The following USP32 variants were observed in gnomAD, a reference collection of about 807,000 sequenced individuals.
USP32 encodes the protein ubiquitin carboxyl-terminal hydrolase 32.
USP32 carries 59 observed loss-of-function variants against 204.8 expected under a neutral mutation model. The observed-to-expected ratio is 0.29, with a 90% CI of 0.23 to 0.36. The LOEUF is 0.36. Among genes scored for constraint, USP32 ranks in the 10% least tolerant of loss-of-function variants. The probability of loss-of-function intolerance (pLI) is 1.00; values close to 1 mark genes in which losing one functional copy is unlikely to be tolerated. For missense variants in USP32, 1,160 were observed against 1,946.4 expected (o/e 0.60, Z 7.60); for synonymous variants, 517 against 678.4 (o/e 0.76, Z 3.70).
chr17:60,239,975 T>G (rs900850396), intron 11 of USP32, among the ~76,000 whole-genome samples: 1 of 152,190 alleles, frequency 6.6e-6, no homozygotes, highest in African/African-American at 2.4e-5. Flanking sequence ...GACCTCAAAT[T>G]ATCTGCGCCT....
chr17:60,202,843 A>C (rs1348529532), intron 26 of USP32, among the ~76,000 whole-genome samples: 1 of 146,126 alleles, frequency 6.8e-6, no homozygotes, highest in Admixed American at 6.7e-5. Context: ...TTGTAGATGT[A>C]ATTAAGTTGA....
chr17:60,301,160 G>GT (rs969047946), intron 3 of USP32, among the ~76,000 whole-genome samples: 1 of 152,106 alleles, frequency 6.6e-6, no homozygotes, highest in African/African-American at 2.4e-5. Context: ...TTCTGTACAA[G>GT]TTTTTTTGTG....
At chr17:60,208,896 A>C (rs2084895933) in intron 22 of USP32, 68 bp from the exon 23 acceptor site, 1 of 1,457,422 alleles carries the variant, frequency 6.9e-7, no homozygotes, top group Non-Finnish European at 9.1e-7. Flanking sequence ...ATAAATTCAA[A>C]GAAGCTAGTT....
At chr17:60,336,818 T>C (rs937322745) in intron 2 of USP32, among the ~76,000 whole-genome samples, 2 of 152,258 alleles carry the variant, frequency 1.3e-5, no homozygotes, top group East Asian at 1.9e-4. Context: ...ATCAACATAA[T>C]GTACTAGGGA....
chr17:60,184,156 A>G (rs2084187027), intron 30 of USP32, among the ~76,000 whole-genome samples: 1 of 151,824 alleles, frequency 6.6e-6, no homozygotes, highest in Non-Finnish European at 1.5e-5. Flanking sequence ...AATAAAAAAC[A>G]CACAAAAAAT....
chr17:60,405,780 T>A (rs527680345), intron 1 of USP32, among the ~76,000 whole-genome samples: 10 of 152,142 alleles, frequency 6.6e-5, no homozygotes, highest in South Asian at 4.2e-4. Flanking sequence ...AAAATAAAAT[T>A]AAATAAATAA....
intron 12 of USP32, 23 bp from the exon 13 acceptor site, chr17:60,226,254 T>C (rs2085385190): frequency 7.3e-6 from 11 of 1,514,956 alleles, no homozygotes; most frequent in Non-Finnish European, 9.7e-6. Context: ...AATCAGAGAA[T>C]AAGAAGCAAA....
At chr17:60,385,358 TCACA>T (rs2089712176) in intron 1 of USP32, among the ~76,000 whole-genome samples, 1 of 152,164 alleles carries the variant, frequency 6.6e-6, no homozygotes, top group Non-Finnish European at 1.5e-5. Context: ...CCTTCATTGC[TCACA>T]CAAAGTCTGT....
chr17:60,208,274 T>G (rs2084880233), intron 23 of USP32, 64 bp from the exon 24 acceptor site: 1 of 1,476,046 alleles, frequency 6.8e-7, no homozygotes, highest in African/African-American at 1.4e-5. Context: ...TTAAATGCTG[T>G]GTACAGATAT....
At chr17:60,386,123 C>T (rs1329933033) in intron 1 of USP32, among the ~76,000 whole-genome samples, 1 of 152,072 alleles carries the variant, frequency 6.6e-6, no homozygotes, top group Non-Finnish European at 1.5e-5. Context: ...TAATTAACTA[C>T]ATACCTCTAA....
intron 4 of USP32, among the ~76,000 whole-genome samples, chr17:60,289,353 C>A (rs2087210330): frequency 6.6e-6 from 1 of 152,162 alleles, no homozygotes; most frequent in Non-Finnish European, 1.5e-5. Context: ...TTTCACTTGC[C>A]TTATCCCTCT....
chr17:60,201,754 G>A (rs2468999), intron 26 of USP32, among the ~76,000 whole-genome samples: 2 of 151,932 alleles, frequency 1.3e-5, no homozygotes, highest in African/African-American at 2.4e-5. Flanking sequence ...TGCCTCTGGG[G>A]TTCAAGTGAT....
intron 9 of USP32, among the ~76,000 whole-genome samples, chr17:60,261,792 G>A (rs2086460177): frequency 6.6e-6 from 1 of 152,126 alleles, no homozygotes; most frequent in Non-Finnish European, 1.5e-5. Context: ...ATGGTAAAAA[G>A]TATTTTTAAG....
intron 1 of USP32, 74 bp from the exon 2 acceptor site, chr17:60,345,682 G>T (rs1354520980): frequency 4.4e-6 from 7 of 1,597,160 alleles, no homozygotes; most frequent in Non-Finnish European, 6.0e-6. Context: ...TTTCAACCTG[G>T]CTCCTAAGAA....
chr17:60,210,658 T>C (rs1374033761), intron 21 of USP32, among the ~76,000 whole-genome samples: 6 of 152,172 alleles, frequency 3.9e-5, no homozygotes, highest in Non-Finnish European at 7.3e-5. Context: ...TGAAAATGGA[T>C]TGGATTGGAT....
intron 11 of USP32, among the ~76,000 whole-genome samples, chr17:60,246,490 G>A (rs2086031430): frequency 6.6e-6 from 1 of 151,616 alleles, no homozygotes; most frequent in Admixed American, 6.6e-5. Context: ...TGTAAGTAGT[G>A]CTGCAATAAA....
intron 2 of USP32, among the ~76,000 whole-genome samples, chr17:60,323,187 T>A (rs1220377451): frequency 6.6e-6 from 1 of 152,136 alleles, no homozygotes; most frequent in Non-Finnish European, 1.5e-5. Flanking sequence ...CGCAAAGGTA[T>A]ACAAATGTTC....
chr17:60,192,797 C>G, intron 28 of USP32, 47 bp downstream of exon 28: 1 of 1,595,960 alleles, frequency 6.3e-7, no homozygotes, highest in Non-Finnish European at 8.6e-7. Context: ...TGTATAATAT[C>G]TAAAGCTGAA....
intron 1 of USP32, among the ~76,000 whole-genome samples, chr17:60,401,295 G>C (rs1222870728): frequency 6.6e-6 from 1 of 152,104 alleles, no homozygotes; most frequent in African/African-American, 2.4e-5. Context: ...GCGTGAACCA[G>C]GGAGGCGGAG....
Sources: gnomAD v4.1 joint callset for allele counts (sites outside exome capture counted in the v4.1 genomes callset) on GRCh38, gnomAD v4.1.1 for gene constraint, MANE v1.5 for transcripts, NCBI Gene and HGNC (gene_info 2026-07-23, HGNC 2026-07-21) for gene names.